The following ENTHD1 variants were observed in gnomAD, a reference collection of about 807,000 sequenced individuals.
ENTHD1 encodes the protein ENTH domain containing 1.
Under a neutral mutation model 39.1 loss-of-function variants are expected in ENTHD1, and 23 were observed. The observed-to-expected ratio is 0.59, with a 90% CI of 0.42 to 0.83. ENTHD1 has a LOEUF of 0.83. ENTHD1 is among the 40% of genes least tolerant of loss of function. The pLI, the probability that ENTHD1 is intolerant of heterozygous loss-of-function variation, is 0.00. For missense variants in ENTHD1, 624 were observed against 705.4 expected, an observed-to-expected ratio of 0.88 and a Z score of 1.31; for synonymous variants, 230 against 258.2, an observed-to-expected ratio of 0.89 and a Z score of 1.05.
At chr22:39,838,345 TTCA>T (rs1488732705) in intron 3 of ENTHD1, among the ~76,000 whole-genome samples, 3 of 152,270 alleles carry the variant, frequency 2.0e-5, no homozygotes, top group African/African-American at 4.8e-5. Context: ...GAAAAATGAC[TTCA>T]TCAAGTTAAC....
At chr22:39,804,162 TC>T in intron 5 of ENTHD1, among the ~76,000 whole-genome samples, 1 of 150,756 alleles carries the variant, frequency 6.6e-6, no homozygotes, top group South Asian at 2.1e-4. Flanking sequence ...AAACTCTGTC[TC>T]AAAAAAAAGA....
At chr22:39,836,002 A>G (rs1257390395) in intron 3 of ENTHD1, 44 bp from the exon 4 acceptor site, 1 of 1,452,820 alleles carries the variant, frequency 6.9e-7, no homozygotes. Flanking sequence ...GGCAAAACAC[A>G]GTTATGTTTT....
In ENTHD1 at chr22:39,887,661, A is replaced by G. The variant is rs756147284; in HGVS notation, c.88T>C (p.Trp30Arg). 3.7e-6 allele frequency: 6 copies of G among 1,610,032 alleles called. No individual in the cohort carries two copies. Among genetic ancestry groups the G allele is most frequent in the African/African-American group, 1.3e-5 (1 of 74,648 alleles). The change falls in exon 2 of 7, where the codon TGG (tryptophan) becomes CGG (arginine). Residue 30 changes from tryptophan to arginine, a missense_variant. By Grantham distance (101) the Trp-to-Arg change is moderately radical (BLOSUM62 -3). Transcript: ENST00000325157. Reference sequence around the variant, plus strand: ...AACATCAGAGAACTAGAGGGACCCCAAGGGTCGTTAGAAGTTGCTTCCCTG... The same window carrying G: ...AACATCAGAGAACTAGAGGGACCCCGAGGGTCGTTAGAAGTTGCTTCCCTG... ...KVREATSNDP[W>R]GPSSSLMLDI... is the part of the protein sequence containing the mutation.
chr22:39,864,241 A>G (rs2066166961), intron 2 of ENTHD1, among the ~76,000 whole-genome samples: 1 of 151,950 alleles, frequency 6.6e-6, no homozygotes, highest in Non-Finnish European at 1.5e-5. Context: ...CTTCCCCCTC[A>G]TTCCTTCTAC....
chr22:39,748,024 G>A (rs573294013), intron 6 of ENTHD1, among the ~76,000 whole-genome samples: 321 of 152,230 alleles, frequency 2.1e-3, no homozygotes, highest in African/African-American at 7.2e-3. Flanking sequence ...CGAGGTGGGA[G>A]GATAGCTTGG....
intron 3 of ENTHD1, among the ~76,000 whole-genome samples, chr22:39,844,363 T>C (rs1350008109): frequency 5.3e-5 from 8 of 152,118 alleles, no homozygotes; most frequent in Non-Finnish European, 7.4e-5. Context: ...CATATAAAAT[T>C]TGAGACACTG....
intron 4 of ENTHD1, among the ~76,000 whole-genome samples, chr22:39,825,290 T>C (rs1260135801): frequency 1.3e-5 from 2 of 152,228 alleles, no homozygotes; most frequent in East Asian, 3.8e-4. Context: ...ATTGTTAGTA[T>C]GTAGACATTC....
intron 2 of ENTHD1, among the ~76,000 whole-genome samples, chr22:39,868,301 G>T (rs2066206667): frequency 6.6e-6 from 1 of 150,880 alleles, no homozygotes; most frequent in South Asian, 2.1e-4. Flanking sequence ...TGTACAGGAG[G>T]GAGTCTAGAA....
chr22:39,801,368 G>T (rs2065596981), intron 5 of ENTHD1, among the ~76,000 whole-genome samples: 1 of 152,122 alleles, frequency 6.6e-6, no homozygotes, highest in Admixed American at 6.5e-5. Context: ...AGGCCACATT[G>T]CATGTGGATC....
At chr22:39,766,017 T>TCCAAAAAAAAAAAAAAAAAAAAAAAA (rs1276729196) in intron 5 of ENTHD1, among the ~76,000 whole-genome samples, 1 of 19,978 alleles carries the variant, frequency 5.0e-5, no homozygotes, top group Non-Finnish European at 8.5e-5. Context: ...AACCCTCAGC[T>TCCAAAAAAAAAAAAAAAAAAAAAAAA]ACAAAAAAAA....
chr22:39,745,595 G>A (rs929891700), intron 6 of ENTHD1, among the ~76,000 whole-genome samples: 13 of 152,202 alleles, frequency 8.5e-5, no homozygotes, highest in African/African-American at 3.1e-4. Context: ...AAGGAAAGCA[G>A]GAACTTCATC....
At chr22:39,814,295 C>CAAAAAAAAAAAAAAAAAAA (rs77915572) in intron 5 of ENTHD1, among the ~76,000 whole-genome samples, 75 of 97,572 alleles carry the variant, frequency 7.7e-4, no homozygotes, top group South Asian at 2.1e-3. Context: ...CCCATCTCTA[C>CAAAAAAAAAAAAAAAAAAA]AAAAAAAAAA....
chr22:39,844,781 T>G (rs139860139), intron 3 of ENTHD1, among the ~76,000 whole-genome samples: 75 of 152,258 alleles, frequency 4.9e-4, no homozygotes, highest in Non-Finnish European at 9.4e-4. Flanking sequence ...GGAGAATGCT[T>G]TCTTCCCACT....
chr22:39,852,170 CA>C (rs759951926), intron 3 of ENTHD1, among the ~76,000 whole-genome samples: 119 of 135,444 alleles, frequency 8.8e-4, no homozygotes, highest in Middle Eastern at 3.5e-3. Flanking sequence ...TTGTTTCTAC[CA>C]AAAAAAAAAA....
chr22:39,790,398 G>C (rs749086703), intron 5 of ENTHD1, among the ~76,000 whole-genome samples: 8 of 152,136 alleles, frequency 5.3e-5, no homozygotes, highest in Non-Finnish European at 1.2e-4. Flanking sequence ...TGGTAGGAGA[G>C]AAAGAATTGA....
chr22:39,816,842 T>A (rs2065737284), intron 5 of ENTHD1, among the ~76,000 whole-genome samples: 1 of 151,662 alleles, frequency 6.6e-6, no homozygotes, highest in Admixed American at 6.6e-5. Context: ...TGAAAGACAA[T>A]TCACAAGCTG....
intron 4 of ENTHD1, among the ~76,000 whole-genome samples, chr22:39,828,450 G>A (rs141850906): frequency 6.6e-6 from 1 of 152,110 alleles, no homozygotes; most frequent in Non-Finnish European, 1.5e-5. Flanking sequence ...ACTTTGGTGA[G>A]ATCAAATTTT....
chr22:39,748,348 G>T (rs1162157532), intron 6 of ENTHD1, among the ~76,000 whole-genome samples: 1 of 151,196 alleles, frequency 6.6e-6, no homozygotes, highest in Non-Finnish European at 1.5e-5. Context: ...TAGTCAGAAA[G>T]AATAACTTAA....
chr22:39,780,998 C>CAAAAAAA (rs370342913), intron 5 of ENTHD1, among the ~76,000 whole-genome samples: 1 of 124,894 alleles, frequency 8.0e-6, no homozygotes, highest in Non-Finnish European at 1.7e-5. Context: ...GACTCCATCT[C>CAAAAAAA]AAAAAAAAAA....
Sources: allele counts gnomAD v4.1 joint callset (sites outside exome capture counted in the v4.1 genomes callset), GRCh38; gene constraint gnomAD v4.1.1; transcripts MANE v1.5; gene names NCBI Gene and HGNC (gene_info 2026-07-23, HGNC 2026-07-21).